Variants in ARB2A observed in about 807,000 individuals in gnomAD.
The protein encoded by ARB2A is cotranscriptional regulator ARB2A.
At chr5:93,697,061 CAAAAAAAAAAA>C in the ARB2A span, among the ~76,000 whole-genome samples, 2 of 78,266 alleles carry the variant, frequency 2.6e-5, no homozygotes, top group Non-Finnish European at 5.1e-5. Flanking sequence ...GACTCCATCT[CAAAAAAAAAAA>C]AAAAAAAAAA....
At chr5:94,065,970 T>A in the ARB2A span, among the ~76,000 whole-genome samples, 3 of 152,152 alleles carry the variant, frequency 2.0e-5, no homozygotes, top group East Asian at 5.8e-4. Context: ...ATAGACCATA[T>A]GTTAGGCCAC....
chr5:93,933,980 T>G, the ARB2A span, among the ~76,000 whole-genome samples: 5 of 152,120 alleles, frequency 3.3e-5, no homozygotes, highest in East Asian at 9.7e-4. Flanking sequence ...CATTACAGCC[T>G]GGGTACAGAG....
At chr5:93,833,055 C>A in the ARB2A span, among the ~76,000 whole-genome samples, 3 of 152,158 alleles carry the variant, frequency 2.0e-5, no homozygotes, top group Non-Finnish European at 4.4e-5. Context: ...CTCAGGATTA[C>A]CTGCCAGCTC....
chr5:93,702,335 G>A, the ARB2A span, among the ~76,000 whole-genome samples: 1 of 152,068 alleles, frequency 6.6e-6, no homozygotes, highest in African/African-American at 2.4e-5. Flanking sequence ...CCTCACTGAG[G>A]CCTCTCCTGA....
At chr5:94,016,408 C>G in the ARB2A span, among the ~76,000 whole-genome samples, 3 of 152,158 alleles carry the variant, frequency 2.0e-5, no homozygotes, top group Admixed American at 6.5e-5. Flanking sequence ...AATTTAGGAA[C>G]CACAATTTAC....
the ARB2A span, among the ~76,000 whole-genome samples, chr5:93,731,596 A>T: frequency 1.3e-5 from 2 of 152,310 alleles, no homozygotes; most frequent in South Asian, 2.1e-4. Flanking sequence ...ATATGTTAAG[A>T]TTTTCCACTA....
At chr5:94,098,311 A>C in the ARB2A span, among the ~76,000 whole-genome samples, 2 of 152,240 alleles carry the variant, frequency 1.3e-5, no homozygotes, top group Non-Finnish European at 2.9e-5. Context: ...CAATAAAAAT[A>C]TAAGTCAACA....
chr5:93,882,464 T>C, the ARB2A span, among the ~76,000 whole-genome samples: 1 of 151,288 alleles, frequency 6.6e-6, no homozygotes, highest in South Asian at 2.1e-4. Flanking sequence ...AAATACAGCT[T>C]GTTGAGCTAT....
the ARB2A span, among the ~76,000 whole-genome samples, chr5:94,079,476 G>A: frequency 6.6e-6 from 1 of 152,102 alleles, no homozygotes; most frequent in Non-Finnish European, 1.5e-5. Flanking sequence ...GATGTTAAGG[G>A]GTAGCTGAGA....
chr5:93,902,119 AAT>A, the ARB2A span, among the ~76,000 whole-genome samples: 1 of 152,072 alleles, frequency 6.6e-6, no homozygotes, highest in East Asian at 1.9e-4. Flanking sequence ...ATACTATAAT[AAT>A]ATGTATTAGG....
chr5:94,038,156 A>G, the ARB2A span, among the ~76,000 whole-genome samples: 1 of 152,124 alleles, frequency 6.6e-6, no homozygotes, highest in African/African-American at 2.4e-5. Context: ...TGAATTATAA[A>G]TTCTCCATTT....
the ARB2A span, among the ~76,000 whole-genome samples, chr5:93,836,755 CAT>C: frequency 1.3e-5 from 2 of 152,072 alleles, no homozygotes; most frequent in East Asian, 1.9e-4. Flanking sequence ...ATACTAAAAA[CAT>C]ATTCAAAATT....
chr5:94,085,615 T>G, the ARB2A span, among the ~76,000 whole-genome samples: 1 of 152,184 alleles, frequency 6.6e-6, no homozygotes, highest in Non-Finnish European at 1.5e-5. Context: ...GACATCCTAC[T>G]GGCAGAAGGC....
the ARB2A span, among the ~76,000 whole-genome samples, chr5:93,822,523 A>C: frequency 6.6e-6 from 1 of 152,196 alleles, no homozygotes; most frequent in African/African-American, 2.4e-5. Flanking sequence ...AGACTTTCAG[A>C]CATATTTTAA....
At chr5:93,634,388 C>A in the ARB2A span, among the ~76,000 whole-genome samples, 1 of 148,046 alleles carries the variant, frequency 6.8e-6, no homozygotes, top group Non-Finnish European at 1.5e-5. Context: ...GAGAGTGAGA[C>A]ACTGTCTCAA....
At chr5:93,915,998 A>G in the ARB2A span, among the ~76,000 whole-genome samples, 13 of 152,222 alleles carry the variant, frequency 8.5e-5, no homozygotes, top group Non-Finnish European at 1.5e-4. Context: ...AAGGTTTCCA[A>G]GTACAGGATG....
chr5:93,942,784 C>T, the ARB2A span, among the ~76,000 whole-genome samples: 735 of 152,046 alleles, frequency 4.8e-3, 5 homozygotes, highest in African/African-American at 0.014. Flanking sequence ...GAAGAAACTT[C>T]GTGGTTTCTT....
the ARB2A span, among the ~76,000 whole-genome samples, chr5:93,990,929 A>G: frequency 2.0e-5 from 3 of 152,126 alleles, no homozygotes; most frequent in African/African-American, 7.2e-5. Flanking sequence ...ACCTTGCTAC[A>G]TTGAGAAGAG....
the ARB2A span, among the ~76,000 whole-genome samples, chr5:93,835,054 T>C: frequency 1.4e-4 from 21 of 152,244 alleles, no homozygotes; most frequent in Admixed American, 1.2e-3. Flanking sequence ...CATTAATTAG[T>C]ATTTGCTGGT....
Sources: gnomAD v4.1 joint callset for allele counts (sites outside exome capture counted in the v4.1 genomes callset) on GRCh38, gnomAD v4.1.1 for gene constraint, MANE v1.5 for transcripts, NCBI Gene and HGNC (gene_info 2026-07-23, HGNC 2026-07-21) for gene names.